The following CEP162 variants were observed in gnomAD, a reference collection of about 807,000 sequenced individuals.
CEP162 encodes centrosomal protein of 162 kDa.
A neutral mutation model predicts 169.2 loss-of-function variants in CEP162; 141 were observed. The ratio of observed to expected loss-of-function variants is 0.83; its 90% confidence interval spans 0.73 to 0.96. CEP162 has a LOEUF of 0.96. Ranked by LOEUF, CEP162 falls within the 40% of genes least tolerant of loss-of-function variation. The pLI is 0.00. For missense variants in CEP162, 1,600 were observed against 1,587.2 expected (o/e 1.01, Z -0.14); for synonymous variants, 540 against 526.4 (o/e 1.03, Z -0.35).
chr6:84,218,892 C>T (rs1399308126), intron 3 of CEP162, among the ~76,000 whole-genome samples: 1 of 152,152 alleles, frequency 6.6e-6, no homozygotes, highest in Non-Finnish European at 1.5e-5. Context: ...CTCTAAAGCA[C>T]GACTTGAGGT....
intron 18 of CEP162, among the ~76,000 whole-genome samples, chr6:84,163,834 G>C (rs1423061168): frequency 1.3e-5 from 2 of 151,680 alleles, no homozygotes; most frequent in Non-Finnish European, 2.9e-5. Flanking sequence ...GCAAGGTGGT[G>C]CCCGCCACCA....
At chr6:84,215,528 G>A in intron 4 of CEP162, 63 bp from the exon 5 acceptor site, 1 of 1,308,710 alleles carries the variant, frequency 7.6e-7, no homozygotes, top group Admixed American at 3.0e-5. Context: ...TGATTTGAAT[G>A]ATGCATTTAT....
At chr6:84,177,040 TTG>T (rs746338455) in intron 13 of CEP162, among the ~76,000 whole-genome samples, 1 of 152,210 alleles carries the variant, frequency 6.6e-6, no homozygotes, top group Non-Finnish European at 1.5e-5. Context: ...ATATTTTATG[TTG>T]TTTGTTCATA....
rs2099510491 is a variant in CEP162 at position 84,129,749 on chromosome 6, T to C, written c.3871-3237A>G. ...TTAGTCATGAAGACTTTGCCCATATTGATTTTGGACTGAGATGATGGGGTT... is the reference window on the plus strand; with the variant it reads ...TTAGTCATGAAGACTTTGCCCATATCGATTTTGGACTGAGATGATGGGGTT... On this transcript the variant is annotated intron_variant, in intron 25 of 26. Coordinates refer to ENST00000403245, the MANE Select transcript of CEP162 (RefSeq NM_014895.4). Among the ~76,000 whole-genome samples the C allele has an allele frequency of 7.2e-5, 11 of 151,952 alleles. No individual in the cohort carries two copies. In the South Asian group the frequency reaches 2.3e-3, roughly 31 times the overall value.
chr6:84,197,088 C>T lies in CEP162; in HGVS notation c.836-2013G>A, dbSNP rs147575548. Among the ~76,000 whole-genome samples the T allele has an allele frequency of 3.4e-3, 522 of 152,074 alleles. 3 individuals carry two copies. Among genetic ancestry groups the T allele is most frequent in the African/African-American group, 0.012 (480 of 41,494 alleles). On this transcript the variant is annotated intron_variant, in intron 9 of 26. Transcript: ENST00000403245. ...GTTGAGCAAGTATCTGCTGAGCATA[C>T]ATAAAAGAAATGACTTCTATGGTAA...
At chr6:84,157,181 T>C (rs528695398) in intron 21 of CEP162, among the ~76,000 whole-genome samples, 74 of 152,348 alleles carry the variant, frequency 4.9e-4, no homozygotes, top group African/African-American at 1.7e-3. Context: ...AGCAATTTAA[T>C]GCATAAACTT....
chr6:84,220,690 G>C (rs1321799523), intron 3 of CEP162, among the ~76,000 whole-genome samples: 1 of 151,898 alleles, frequency 6.6e-6, no homozygotes, highest in African/African-American at 2.4e-5. Flanking sequence ...GTGATACCAA[G>C]GTCTATAGGT....
At chr6:84,178,699 G>A (rs550718302) in intron 13 of CEP162, among the ~76,000 whole-genome samples, 1 of 152,194 alleles carries the variant, frequency 6.6e-6, no homozygotes, top group South Asian at 2.1e-4. Flanking sequence ...TAGGGTACAT[G>A]TGCACAACGT....
chr6:84,138,882 A>G (rs2099515293), intron 25 of CEP162, among the ~76,000 whole-genome samples: 1 of 152,244 alleles, frequency 6.6e-6, no homozygotes, highest in Non-Finnish European at 1.5e-5. Context: ...AAGAATGCAC[A>G]ATGCTGAACT....
At chr6:84,194,797 A>T in intron 10 of CEP162, 87 bp downstream of exon 10, 2 of 1,071,130 alleles carry the variant, frequency 1.9e-6, no homozygotes, top group Non-Finnish European at 2.7e-6. Flanking sequence ...AACAATCACT[A>T]CAGCAAATTG....
chr6:84,126,980 T>C (rs2099509200), intron 25 of CEP162, among the ~76,000 whole-genome samples: 1 of 152,188 alleles, frequency 6.6e-6, no homozygotes, highest in Admixed American at 6.5e-5. Flanking sequence ...CCTTATCACT[T>C]TATAATTTGT....
chr6:84,208,019 ATTT>A (rs375738078), intron 6 of CEP162, among the ~76,000 whole-genome samples: 4 of 132,882 alleles, frequency 3.0e-5, no homozygotes, highest in African/African-American at 2.8e-5. Flanking sequence ...AGGTTGATTG[ATTT>A]TTTTTTTTTT....
intron 24 of CEP162, among the ~76,000 whole-genome samples, chr6:84,148,280 C>A (rs752970280): frequency 6.6e-6 from 1 of 152,030 alleles, no homozygotes; most frequent in African/African-American, 2.4e-5. Context: ...ACTTCAAATG[C>A]CACTTTGGGA....
At chr6:84,177,962 T>C (rs1161324741) in intron 13 of CEP162, among the ~76,000 whole-genome samples, 1 of 152,192 alleles carries the variant, frequency 6.6e-6, no homozygotes, top group Non-Finnish European at 1.5e-5. Flanking sequence ...AAAATAATTG[T>C]ATTGAATTAA....
At chr6:84,226,507 C>G in intron 1 of CEP162, 55 bp from the exon 2 acceptor site, 1 of 768,060 alleles carries the variant, frequency 1.3e-6, no homozygotes. Flanking sequence ...ATCATGAACA[C>G]GACCAGACTT....
At chr6:84,220,908 C>CTA (rs1200726106) in intron 3 of CEP162, 149 bp downstream of exon 3, 2 of 484,078 alleles carry the variant, frequency 4.1e-6, no homozygotes, top group Non-Finnish European at 7.3e-6. Context: ...TAATAAAGTA[C>CTA]TGGTTATATG....
chr6:84,221,043 T>C lies in CEP162; in HGVS notation c.172+14A>G. 2.1e-6 allele frequency: 3 copies of C among 1,396,392 alleles called. No individual in the cohort carries two copies. Among genetic ancestry groups the C allele is most frequent in the Non-Finnish European group, 3.0e-6 (3 of 986,626 alleles). 86.5% of individuals were successfully genotyped at this position (1,396,392 alleles called of 1,614,324 possible). A position where few individuals can be genotyped will look rare whatever the true frequency, so the allele number is the denominator to read the frequency against. On this transcript the variant is annotated intron_variant, in intron 3 of 26. Coordinates refer to ENST00000403245, the MANE Select transcript of CEP162 (RefSeq NM_014895.4). ...TGGTCAAATAATTTGAAACTAAAAA[T>C]CAGCAACATTTACCATCATCTTTAA... is the stretch of plus-strand genomic sequence containing the variant.
chr6:84,174,654 G>C (rs2099531626), intron 15 of CEP162, 73 bp downstream of exon 15: 1 of 703,148 alleles, frequency 1.4e-6, no homozygotes, highest in Admixed American at 3.2e-5. Context: ...GGATGACAAT[G>C]TATTTAGCAG....
Position 84,204,173 on chromosome 6 carries a change from C to A in CEP162, c.572-77G>T, listed in dbSNP as rs149875838. On this transcript the variant is annotated intron_variant, in intron 6 of 26. Coordinates refer to ENST00000403245, the MANE Select transcript of CEP162 (RefSeq NM_014895.4). ...AATTCCAGGAAAAGGCTGTTGATTT[C>A]GAAAGGAAGAAGTCTGTATAAGAAT... 17 of 810,818 alleles carry A rather than the reference C, an allele frequency of 2.1e-5. 1 individual carries two copies. The East Asian group carries it at 4.3e-4, about 20-fold the overall frequency. The allele number at this position is 810,818 out of a possible 1,614,324, so 50.2% of individuals were successfully genotyped here.
Sources: gnomAD v4.1 joint callset for allele counts (sites outside exome capture counted in the v4.1 genomes callset) on GRCh38, gnomAD v4.1.1 for gene constraint, MANE v1.5 for transcripts, NCBI Gene and HGNC (gene_info 2026-07-23, HGNC 2026-07-21) for gene names.